GTF3C2: variants seen among roughly 807,000 people sequenced by gnomAD.
GTF3C2 encodes the protein general transcription factor IIIC subunit 2, also known as general transcription factor 3C polypeptide 2.
A neutral mutation model predicts 117.4 loss-of-function variants in GTF3C2; 17 were observed. The ratio of observed to expected loss-of-function variants is 0.14; its 90% CI spans 0.10 to 0.22. The LOEUF is 0.22. GTF3C2 is among the 10% of genes least tolerant of loss of function. The pLI is 1.00. For missense variants in GTF3C2, 888 were observed against 1,143.6 expected (o/e 0.78, Z 3.22); for synonymous variants, 437 against 427.0 (o/e 1.02, Z -0.29).
intron 11 of GTF3C2, 85 bp from the exon 12 acceptor site, chr2:27,333,869 G>T (rs958868262): frequency 4.5e-5 from 66 of 1,476,962 alleles, no homozygotes; most frequent in Non-Finnish European, 5.9e-5. Context: ...TAATCCAGCA[G>T]GATGAGGGTA....
At chr2:27,327,251 T>C (rs374386568) in exon 18 of GTF3C2, 40 of 1,608,304 alleles carry the variant, frequency 2.5e-5, no homozygotes, top group Middle Eastern at 3.3e-4. Context: ...ATGCGCAGCA[T>C]TGGTTCTCTA....
rs1680470327 is a variant in GTF3C2, at chr2:27,336,186, A to G, written c.1355+12T>C. ...AACCACCCTCCCATGGCAGTGTCCA[A>G]CCCCACCTCACCAGCTTTCTTGCTG... On this transcript the variant is annotated intron_variant, in intron 8 of 18. Transcript: ENST00000264720. The G allele has an allele frequency of 3.8e-6, 6 of 1,599,216 alleles. No homozygotes were observed. The highest frequency in any genetic ancestry group is 5.1e-6 in the Non-Finnish European group (6 of 1,167,040).
rs75334779 is a variant in GTF3C2, at chr2:27,327,945, T to C, written c.2409+92A>G. ...CTGGCCGAGGCTCCTTAGTTTTACA[T>C]CTTTGTGCTGAACTCAGGCTTGCGT... On this transcript the variant is annotated intron_variant, in intron 17 of 18. Transcript: ENST00000264720. 1,968 of 1,087,220 alleles carry C rather than the reference T, an allele frequency of 1.8e-3. 28 individuals are homozygous for C. The African/African-American group carries it at 0.029, about 16-fold the overall frequency. 67.3% of individuals were successfully genotyped at this position (1,087,220 alleles called of 1,614,324 possible).
At chr2:27,351,467 GC>G (rs1363829625) in intron 1 of GTF3C2, among the ~76,000 whole-genome samples, 1 of 152,050 alleles carries the variant, frequency 6.6e-6, no homozygotes, top group Non-Finnish European at 1.5e-5. Context: ...GAAACCACCT[GC>G]TGAATCAACA....
At chr2:27,341,917 C>A (rs1294970456) in intron 4 of GTF3C2, 31 bp downstream of exon 4, 1 of 1,586,080 alleles carries the variant, frequency 6.3e-7, no homozygotes, top group Non-Finnish European at 8.6e-7. Flanking sequence ...CCTACTATGT[C>A]CCCATTCACT....
exon 2 of GTF3C2, chr2:27,343,494 T>C (rs1680812676): frequency 2.5e-6 from 4 of 1,614,062 alleles, no homozygotes; most frequent in Non-Finnish European, 2.5e-6. Context: ...TCTACCACAG[T>C]CATGTTCCCC....
chr2:27,340,254 CTTT>C (rs1295408173), intron 4 of GTF3C2: 4 of 152,042 alleles, frequency 2.6e-5, no homozygotes. Flanking sequence ...CATATCTCTT[CTTT>C]TTTTAAAGAC....
chr2:27,333,378 C>A (rs965408819), intron 12 of GTF3C2, among the ~76,000 whole-genome samples: 2 of 151,696 alleles, frequency 1.3e-5, no homozygotes, highest in Non-Finnish European at 2.9e-5. Context: ...TGGTCTTGAA[C>A]TCCTGACCTC....
chr2:27,347,694 C>A (rs904924363), intron 1 of GTF3C2, among the ~76,000 whole-genome samples: 6 of 152,170 alleles, frequency 3.9e-5, no homozygotes, highest in African/African-American at 7.2e-5. Context: ...ATTGTGAAAT[C>A]CAAGAGCTAG....
intron 1 of GTF3C2, among the ~76,000 whole-genome samples, chr2:27,343,863 C>G (rs896182159): frequency 6.6e-6 from 1 of 151,808 alleles, no homozygotes; most frequent in African/African-American, 2.4e-5. Flanking sequence ...CTGGGCAACA[C>G]AGCAAGACCC....
rs933416143 is a variant in GTF3C2 at position 27,329,666 on chromosome 2, A to G, written c.1733-143T>C. ...AAGGATGTGGGGATCCTGATTAGCT[A>G]TCCAACACTCCCTCCAGGGCTTAAA... On this transcript the variant is annotated intron_variant, in intron 12 of 18. Coordinates refer to ENST00000264720, the Ensembl canonical transcript of GTF3C2. This position sits in a 1 kb window ranked among gnomAD's most constrained non-coding sequence, Gnocchi z 4.5. 16 of 728,134 alleles carry G rather than the reference A, an allele frequency of 2.2e-5. No individual in the cohort carries two copies. Among genetic ancestry groups the G allele is most frequent in the Non-Finnish European group, 3.7e-5 (16 of 436,760 alleles). The allele number at this position is 728,134 out of a possible 1,614,324, so 45.1% of individuals were successfully genotyped here.
chr2:27,338,333 A>G, intron 4 of GTF3C2: 1 of 312,244 alleles, frequency 3.2e-6, no homozygotes, highest in Non-Finnish European at 6.1e-6. Context: ...AGTCTCCCTT[A>G]CTCCTCTCCC....
In GTF3C2 at chr2:27,328,206, G is replaced by A. The variant is rs747118507; in HGVS notation, c.2257-17C>T. The A allele has an allele frequency of 9.0e-6, 14 of 1,551,048 alleles. No individual in the cohort carries two copies. The African/African-American group carries it at 1.3e-4, about 14-fold the overall frequency. On this transcript the variant is annotated splice_polypyrimidine_tract_variant and intron_variant, in intron 16 of 18. Coordinates refer to ENST00000264720, the Ensembl canonical transcript of GTF3C2. ...ATATATAGGCTGGAAAGGAGACCATGAAATTAGGTTCTATAATACTCAAGA... is the reference window on the plus strand; with the variant it reads ...ATATATAGGCTGGAAAGGAGACCATAAAATTAGGTTCTATAATACTCAAGA...
At chr2:27,342,778 T>C (rs765645762) in intron 3 of GTF3C2, 48 bp downstream of exon 3, 3 of 1,395,992 alleles carry the variant, frequency 2.1e-6, no homozygotes, top group East Asian at 4.6e-5. Flanking sequence ...CCCACCCTGA[T>C]CCCTTCACCC....
intron 1 of GTF3C2, among the ~76,000 whole-genome samples, chr2:27,350,049 T>C (rs183608735): frequency 4.6e-5 from 7 of 152,284 alleles, no homozygotes; most frequent in African/African-American, 1.7e-4. Flanking sequence ...AGCAAAATGT[T>C]CATGACACAG....
At chr2:27,345,760 C>A (rs1047888284) in intron 1 of GTF3C2, among the ~76,000 whole-genome samples, 4 of 148,640 alleles carry the variant, frequency 2.7e-5, no homozygotes, top group Non-Finnish European at 4.4e-5. Flanking sequence ...GTTGCCCAGG[C>A]TGGAGTGCAG....
Position 27,329,487 on chromosome 2 carries a change from GGTGA to G in GTF3C2, c.1765_1768del (p.Ser589ProfsTer12). 2 of 1,614,002 alleles carry G rather than the reference GGTGA, an allele frequency of 1.2e-6. No homozygotes were observed. The highest frequency in any genetic ancestry group is 1.7e-6 in the Non-Finnish European group (2 of 1,179,936). ...ATCAGAGAGCCGTATCCGCTGCAGG[GGTGA>G]GTTAGTGGGAAGGTTCCAGAAAACC... On this transcript the variant is annotated frameshift_variant, in exon 13 of 19. Coordinates refer to ENST00000264720, the Ensembl canonical transcript of GTF3C2. LOFTEE classifies it high-confidence loss of function. The surrounding 1 kb of genome is among the most constrained non-coding windows in gnomAD (Gnocchi z 4.5).
rs770685747 is a variant in GTF3C2 at position 27,335,714 on chromosome 2, G to A, written c.1468-8C>T. 2.6e-6 allele frequency: 4 copies of A among 1,537,446 alleles called. No individual in the cohort carries two copies. The South Asian group carries it at 3.6e-5, about 14-fold the overall frequency. ...CCGGGGCAGGAGAGGAGCCTAAAGG[G>A]TAAAAGGTATGCTGAGGCTTGCTGC... On this transcript the variant is annotated splice_region_variant and splice_polypyrimidine_tract_variant and intron_variant, in intron 9 of 18. Coordinates refer to ENST00000264720, the Ensembl canonical transcript of GTF3C2.
At chr2:27,326,264 G>A in exon 19 of GTF3C2, 1 of 475,032 alleles carries the variant, frequency 2.1e-6, no homozygotes, top group Non-Finnish European at 4.3e-6. Flanking sequence ...TCCTGGAATA[G>A]TCAGACAGGA....
Sources: allele counts gnomAD v4.1 joint callset (sites outside exome capture counted in the v4.1 genomes callset), GRCh38; gene constraint gnomAD v4.1.1; non-coding constraint Gnocchi (gnomAD v3.1); transcripts MANE v1.5; gene names NCBI Gene and HGNC (gene_info 2026-07-23, HGNC 2026-07-21).